Variants in ADAM23 observed in about 807,000 individuals in gnomAD.
ADAM23 encodes disintegrin and metalloproteinase domain-containing protein 23.
A neutral mutation model predicts 120.1 loss-of-function variants in ADAM23; 33 were observed. That is an observed-to-expected ratio of 0.27 (90% CI 0.21 to 0.37). ADAM23 has a LOEUF of 0.37. Among genes scored for constraint, ADAM23 ranks in the 10% least tolerant of loss-of-function variants. ADAM23 has a pLI of 1.00. For synonymous variants in ADAM23, 367 were observed against 375.2 expected (o/e 0.98, Z 0.25); for missense variants, 862 against 1,058.2 (o/e 0.81, Z 2.57).
chr2:206,500,351 T>G (rs1185654522), intron 3 of ADAM23, among the ~76,000 whole-genome samples: 1 of 152,180 alleles, frequency 6.6e-6, no homozygotes, highest in Non-Finnish European at 1.5e-5. Flanking sequence ...ACACAATTCC[T>G]TAGATATTAC....
chr2:206,464,746 A>G (rs1695507164), intron 2 of ADAM23, among the ~76,000 whole-genome samples: 2 of 151,900 alleles, frequency 1.3e-5, no homozygotes, highest in African/African-American at 4.8e-5. Flanking sequence ...GTGTCTGGAG[A>G]TATTTTTGGT....
chr2:206,456,941 T>C (rs2105855313), intron 2 of ADAM23, among the ~76,000 whole-genome samples: 1 of 152,328 alleles, frequency 6.6e-6, no homozygotes, highest in Non-Finnish European at 1.5e-5. Context: ...AGTTGTAGTC[T>C]GAATCACTTA....
rs1480512256 is a variant in ADAM23, at chr2:206,618,236, G to A, written c.*609G>A. On this transcript the variant is annotated 3_prime_UTR_variant, in exon 26 of 26. Coordinates refer to ENST00000264377, the MANE Select transcript of ADAM23 (RefSeq NM_003812.4). ...ACATGTCCCCACACCCCATCCTCTC[G>A]GAGCCCCACTTCTTACCCCCCACCT... The A allele has an allele frequency of 6.6e-6, 1 of 151,158 alleles. No homozygotes were observed. The highest frequency in any genetic ancestry group is 2.4e-5 in the African/African-American group (1 of 41,010). The allele number at this position is 151,158 out of a possible 1,614,324, so 9.4% of individuals were successfully genotyped here.
chr2:206,476,231 A>G (rs1049239418), intron 2 of ADAM23, among the ~76,000 whole-genome samples: 5 of 152,190 alleles, frequency 3.3e-5, no homozygotes, highest in Non-Finnish European at 7.3e-5. Flanking sequence ...GTCTATTGAT[A>G]TTCCACTTTG....
intron 3 of ADAM23, among the ~76,000 whole-genome samples, chr2:206,521,027 T>A (rs1360862078): frequency 6.6e-6 from 1 of 152,084 alleles, no homozygotes; most frequent in African/African-American, 2.4e-5. Flanking sequence ...CTGCCCATAT[T>A]TCCCTGTCCA....
chr2:206,520,094 G>A (rs1267641774), intron 3 of ADAM23, among the ~76,000 whole-genome samples: 1 of 152,126 alleles, frequency 6.6e-6, no homozygotes, highest in Admixed American at 6.6e-5. Flanking sequence ...TACCATGATT[G>A]CACAGAATAT....
intron 2 of ADAM23, among the ~76,000 whole-genome samples, chr2:206,477,036 A>G (rs1022702663): frequency 6.6e-6 from 1 of 152,116 alleles, no homozygotes; most frequent in Non-Finnish European, 1.5e-5. Context: ...TCTTGTTTTT[A>G]TGTCTATATT....
chr2:206,506,081 G>A (rs949446538), intron 3 of ADAM23, among the ~76,000 whole-genome samples: 3 of 152,146 alleles, frequency 2.0e-5, no homozygotes, highest in African/African-American at 7.2e-5. Context: ...TAGATTTAAA[G>A]TCTAGAGTTC....
rs1398033029 is a variant in ADAM23 at position 206,577,254 on chromosome 2, C to CT, written c.1737+4071dup. Among the ~76,000 whole-genome samples the CT allele has an allele frequency of 4.5e-3, 654 of 144,260 alleles. 7 individuals carry two copies. The highest frequency in any genetic ancestry group is 0.014 in the African/African-American group (540 of 39,530). The allele number at this position is 144,260 out of a possible 152,430, so 94.6% of individuals were successfully genotyped here. A position where few individuals can be genotyped will look rare whatever the true frequency, so the allele number is the denominator to read the frequency against. ...CCAATTTAGAATAAGGGCATTTTTT[C>CT]TTTTTTTTTTTTCTTTTATTATTAT... On this transcript the variant is annotated intron_variant, in intron 18 of 25. Transcript: ENST00000264377.
At chr2:206,524,619 A>G (rs1002757409) in intron 3 of ADAM23, among the ~76,000 whole-genome samples, 4 of 152,238 alleles carry the variant, frequency 2.6e-5, no homozygotes, top group Non-Finnish European at 5.9e-5. Context: ...GGTGAAGGGT[A>G]TGTCTTACAT....
At chr2:206,515,761 A>G (rs144785146) in intron 3 of ADAM23, among the ~76,000 whole-genome samples, 191 of 152,062 alleles carry the variant, frequency 1.3e-3, no homozygotes, top group African/African-American at 4.1e-3. Context: ...TAGGCTTGCT[A>G]TTTTTAGAGA....
At chr2:206,489,338 T>G (rs1049061364) in intron 3 of ADAM23, among the ~76,000 whole-genome samples, 4 of 152,192 alleles carry the variant, frequency 2.6e-5, no homozygotes, top group African/African-American at 9.7e-5. Context: ...CTTACACATC[T>G]GAGAGAGGGA....
chr2:206,484,857 C>T (rs892212113), intron 3 of ADAM23, among the ~76,000 whole-genome samples: 1 of 152,080 alleles, frequency 6.6e-6, no homozygotes, highest in Non-Finnish European at 1.5e-5. Context: ...TTTTCCCCTG[C>T]TGTTCTTGTG....
chr2:206,490,909 CAT>C (rs1696119191), intron 3 of ADAM23, among the ~76,000 whole-genome samples: 1 of 152,124 alleles, frequency 6.6e-6, no homozygotes, highest in Non-Finnish European at 1.5e-5. Flanking sequence ...ATCTTGAAAA[CAT>C]ATACAATAAA....
intron 3 of ADAM23, among the ~76,000 whole-genome samples, chr2:206,526,141 T>TAC (rs59684611): frequency 0.051 from 7,417 of 145,670 alleles, 225 homozygotes; most frequent in East Asian, 0.085. Flanking sequence ...TTCCAACAAA[T>TAC]ACACACACAC....
At chr2:206,608,379 C>T (rs1446000089) in intron 24 of ADAM23, among the ~76,000 whole-genome samples, 2 of 152,166 alleles carry the variant, frequency 1.3e-5, no homozygotes, top group South Asian at 2.1e-4. Flanking sequence ...CACATCTTGC[C>T]GCTATCACTC....
At chr2:206,588,248 G>A in intron 20 of ADAM23, 94 bp downstream of exon 20, 1 of 1,307,540 alleles carries the variant, frequency 7.6e-7, no homozygotes, top group Admixed American at 2.2e-5. Flanking sequence ...TGCACAGCTT[G>A]GAGTGATGTT....
At position 206,549,131 on chromosome 2, in the gene ADAM23, T is replaced by C. The variant is rs192076042; in HGVS notation, c.867+777T>C. ...CTTAATGAGTAACTATAGTAGAAAT[T>C]GCACATTTTAGATAATGTTTTGCTG... On this transcript the variant is annotated intron_variant, in intron 8 of 25. Transcript: ENST00000264377. Among the ~76,000 whole-genome samples the C allele has an allele frequency of 3.4e-3, 521 of 152,098 alleles. 1 individual carries two copies. The highest frequency in any genetic ancestry group is 0.011 in the African/African-American group (468 of 41,544).
rs757356073 is a variant in ADAM23 at position 206,445,340 on chromosome 2, T to G, written c.248T>G (p.Leu83Trp). ...PHWNETAEKN[L>W]GVLADEDNTL... The stretch of plus-strand genomic sequence containing the variant: ...TGGAATGAAACTGCAGAAAAAAATT[T>G]GGGAGTCCTGGCAGATGAAGACAAT... Residue 83 changes from leucine (L) to tryptophan (W), a missense_variant, in exon 2 of 26, where the codon TTG becomes TGG. Transcript: ENST00000264377. 6.2e-7 allele frequency: 1 copy of G among 1,613,992 alleles called. No homozygotes were observed.
Sources: allele counts gnomAD v4.1 joint callset (sites outside exome capture counted in the v4.1 genomes callset), GRCh38; gene constraint gnomAD v4.1.1; transcripts MANE v1.5; gene names NCBI Gene and HGNC (gene_info 2026-07-23, HGNC 2026-07-21).